SEMA3C: variants seen among roughly 807,000 people sequenced by gnomAD.
SEMA3C encodes the protein semaphorin-3C.
SEMA3C carries 47 observed loss-of-function variants against 89.4 expected under a neutral mutation model. That is an observed-to-expected ratio of 0.53 (90% CI 0.42 to 0.67). The LOEUF (loss-of-function observed/expected upper bound fraction) is 0.67, where lower values mean the gene tolerates loss of function less well. Among genes scored for constraint, SEMA3C ranks in the 30% least tolerant of loss-of-function variants. The probability of loss-of-function intolerance (pLI) is 0.00; values close to 1 mark genes in which losing one functional copy is unlikely to be tolerated. For synonymous variants in SEMA3C, 310 were observed against 320.2 expected, an observed-to-expected ratio of 0.97 and a Z score of 0.34; for missense variants, 839 against 929.1, an observed-to-expected ratio of 0.90 and a Z score of 1.26.
intron 10 of SEMA3C, 81 bp downstream of exon 10, chr7:80,800,676 A>G: frequency 3.4e-6 from 3 of 877,676 alleles, no homozygotes; most frequent in Non-Finnish European, 5.3e-6. Flanking sequence ...AAAGTTGCAG[A>G]GAAGAATGCT....
At chr7:80,921,888 T>C (rs1211965591), upstream of SEMA3C, among the ~76,000 whole-genome samples, 1 of 152,194 alleles carries the variant, frequency 6.6e-6, no homozygotes, top group African/African-American at 2.4e-5. Context: ...GTTACATACT[T>C]TTCTCCAGGA....
intron 11 of SEMA3C, among the ~76,000 whole-genome samples, chr7:80,797,735 C>T (rs1789097938): frequency 1.3e-5 from 2 of 152,136 alleles, no homozygotes; most frequent in African/African-American, 4.8e-5. Flanking sequence ...TGCGGTGGCT[C>T]ACGCCTGTAA....
At chr7:80,821,265 T>C (rs1356659003) in intron 4 of SEMA3C, among the ~76,000 whole-genome samples, 2 of 152,246 alleles carry the variant, frequency 1.3e-5, no homozygotes, top group East Asian at 3.8e-4. Flanking sequence ...CAGTCCCTTT[T>C]AGAAAAATAA....
At chr7:80,857,689 A>G (rs1790673442) in intron 2 of SEMA3C, among the ~76,000 whole-genome samples, 1 of 152,158 alleles carries the variant, frequency 6.6e-6, no homozygotes, top group Non-Finnish European at 1.5e-5. Context: ...CAGCTATTTC[A>G]TTTCTCTAGA....
chr7:80,813,820 T>G (rs1412900395), intron 5 of SEMA3C, among the ~76,000 whole-genome samples: 1 of 152,210 alleles, frequency 6.6e-6, no homozygotes, highest in African/African-American at 2.4e-5. Context: ...CACCACCATT[T>G]TCTGACTTGT....
rs138970370 is a variant in SEMA3C, at chr7:80,761,650, G to A, written c.1451C>T (p.Ala484Val). 2 of 1,334,776 alleles carry A rather than the reference G, an allele frequency of 1.5e-6. No homozygotes were observed. Among genetic ancestry groups the A allele is most frequent in the Middle Eastern group, 2.0e-4 (1 of 4,906 alleles). 82.7% of individuals were successfully genotyped at this position (1,334,776 alleles called of 1,614,324 possible). A position where few individuals can be genotyped will look rare whatever the true frequency, so the allele number is the denominator to read the frequency against. ...TGAAATTTTCATTGTTGTTATAGGA[G>A]CATGATTCTAAAATATTAGAAAACA... Reference protein sequence around the residue: ...LEELEVFKNHAPITTMKISSK... With the variant: ...LEELEVFKNHVPITTMKISSK... Residue 484 changes from alanine (A) to valine (V), a missense_variant, in exon 14 of 18, where the codon GCT becomes GTT. Transcript: ENST00000265361.
intron 4 of SEMA3C, among the ~76,000 whole-genome samples, chr7:80,825,785 A>G (rs1208111677): frequency 6.6e-6 from 1 of 152,186 alleles, no homozygotes; most frequent in Non-Finnish European, 1.5e-5. Context: ...TGGGAAAAAA[A>G]TCTCATTAGA....
chr7:80,749,117 T>G, intron 16 of SEMA3C, 89 bp from the exon 17 acceptor site: 1 of 1,300,394 alleles, frequency 7.7e-7, no homozygotes, highest in Non-Finnish European at 1.0e-6. Context: ...ATATACATGT[T>G]TATTTTTATA....
At chr7:80,902,128 T>G (rs1791895860) in intron 2 of SEMA3C, among the ~76,000 whole-genome samples, 1 of 152,210 alleles carries the variant, frequency 6.6e-6, no homozygotes, top group Admixed American at 6.5e-5. Context: ...AGTTTCTGTA[T>G]GTTTTGTAGA....
At chr7:80,903,151 A>C (rs2116206554) in intron 2 of SEMA3C, among the ~76,000 whole-genome samples, 1 of 152,228 alleles carries the variant, frequency 6.6e-6, no homozygotes, top group Non-Finnish European at 1.5e-5. Flanking sequence ...GTCATTAGGC[A>C]ATTTTGTCAT....
intron 10 of SEMA3C, among the ~76,000 whole-genome samples, chr7:80,800,538 C>T (rs991978784): frequency 1.3e-5 from 2 of 152,122 alleles, no homozygotes; most frequent in Non-Finnish European, 2.9e-5. Context: ...ATAAAAATAT[C>T]ATGCAATCAT....
At chr7:80,819,487 G>T (rs1789693518) in intron 4 of SEMA3C, among the ~76,000 whole-genome samples, 1 of 152,096 alleles carries the variant, frequency 6.6e-6, no homozygotes, top group Non-Finnish European at 1.5e-5. Flanking sequence ...GCCTATACAA[G>T]TTCCATATTA....
chr7:80,870,559 C>T (rs184716907), intron 2 of SEMA3C, among the ~76,000 whole-genome samples: 16 of 152,280 alleles, frequency 1.1e-4, no homozygotes, highest in African/African-American at 1.7e-4. Context: ...GGGCGTACCA[C>T]GTATCAGAGA....
chr7:80,805,851 T>C (rs945586236), intron 6 of SEMA3C, 93 bp from the exon 7 acceptor site: 2 of 765,828 alleles, frequency 2.6e-6, no homozygotes, highest in Non-Finnish European at 4.1e-6. Context: ...CCACAGGTAT[T>C]ACAGTGTTAT....
chr7:80,785,250 T>A (rs892497631), intron 12 of SEMA3C, among the ~76,000 whole-genome samples: 1 of 152,198 alleles, frequency 6.6e-6, no homozygotes, highest in African/African-American at 2.4e-5. Context: ...AAATCATTCA[T>A]AATATTCAAA....
At chr7:80,837,446 A>C (rs1236835306) in intron 2 of SEMA3C, among the ~76,000 whole-genome samples, 1 of 152,178 alleles carries the variant, frequency 6.6e-6, no homozygotes, top group Non-Finnish European at 1.5e-5. Flanking sequence ...CCTTGGGGTA[A>C]ATGCTGCAGC....
rs764486125 is a variant in SEMA3C, at chr7:80,800,798, G to T, written c.945C>A (p.Asn315Lys). The T allele has an allele frequency of 3.3e-6, 5 of 1,516,152 alleles. No homozygotes were observed. The Admixed American group carries it at 1.2e-4, about 37-fold the overall frequency. 93.9% of individuals were successfully genotyped at this position (1,516,152 alleles called of 1,614,324 possible). The change falls in exon 10 of 18, where the codon AAC (asparagine) becomes AAA (lysine). Residue 315 changes from asparagine (N) to lysine (K), a missense_variant. Physicochemically the swap from Asn to Lys is moderately conservative, Grantham distance 94. Coordinates refer to ENST00000265361, the MANE Select transcript of SEMA3C (RefSeq NM_006379.5). ...TGCCATACACTAGTGTTGTCCTCGG[G>T]TTATCAGTTTCCAGCAGAAACACAT... is the stretch of plus-strand genomic sequence containing the variant. ...LEDVFLLETD[N>K]PRTTLVYGIF...
rs530753632 is a variant in SEMA3C, at chr7:80,744,807, G to T, written c.*87C>A. On this transcript the variant is annotated 3_prime_UTR_variant, in exon 18 of 18. Coordinates refer to ENST00000265361, the MANE Select transcript of SEMA3C (RefSeq NM_006379.5). ...ATCACCTTTTTCAGTAATTCCCCTT[G>T]GTAAAGCACAAGTTTCTTTGCTCAA... The T allele has an allele frequency of 5.4e-5, 78 of 1,450,478 alleles. No individual in the cohort carries two copies. The South Asian group carries it at 7.3e-4, about 14-fold the overall frequency. The allele number at this position is 1,450,478 out of a possible 1,614,324, so 89.9% of individuals were successfully genotyped here.
intron 8 of SEMA3C, among the ~76,000 whole-genome samples, chr7:80,802,992 C>A (rs547198029): frequency 6.6e-6 from 1 of 152,198 alleles, no homozygotes; most frequent in African/African-American, 2.4e-5. Flanking sequence ...ATGATGTCAG[C>A]TGAAAATACA....
Sources: gnomAD v4.1 joint callset for allele counts (sites outside exome capture counted in the v4.1 genomes callset) on GRCh38, gnomAD v4.1.1 for gene constraint, MANE v1.5 for transcripts, NCBI Gene and HGNC (gene_info 2026-07-23, HGNC 2026-07-21) for gene names.